DSCAML1: variants seen among roughly 807,000 people sequenced by gnomAD.
DSCAML1 encodes DS cell adhesion molecule like 1.
In DSCAML1, 38 loss-of-function variants were observed where a neutral mutation model predicts 200.5. The observed-to-expected ratio is 0.19, with a 90% CI of 0.15 to 0.25. The LOEUF (loss-of-function observed/expected upper bound fraction) is 0.25, where lower values mean the gene tolerates loss of function less well. DSCAML1 is among the 10% of genes least tolerant of loss of function. DSCAML1 has a pLI of 1.00. For missense variants in DSCAML1, 2,223 were observed against 2,858.8 expected (o/e 0.78, Z 5.07); for synonymous variants, 1,215 against 1,165.0 (o/e 1.04, Z -0.87).
At chr11:117,545,153 C>T (rs113295768) in intron 3 of DSCAML1, among the ~76,000 whole-genome samples, 1 of 151,954 alleles carries the variant, frequency 6.6e-6, no homozygotes, top group African/African-American at 2.4e-5. Context: ...TTGCTTGAAC[C>T]CAGGAGGTGG....
At chr11:117,439,581 G>C (rs1222704391) in intron 22 of DSCAML1, 152 bp from the exon 23 acceptor site, 2 of 1,116,802 alleles carry the variant, frequency 1.8e-6, no homozygotes, top group African/African-American at 1.6e-5. Context: ...ACTCCCTGGG[G>C]GTATGAGGTA....
At chr11:117,565,012 C>T (rs914162982) in intron 3 of DSCAML1, among the ~76,000 whole-genome samples, 8 of 152,082 alleles carry the variant, frequency 5.3e-5, no homozygotes, top group African/African-American at 1.9e-4. Flanking sequence ...GTGATCTGCC[C>T]ACCTCGGCCT....
chr11:117,591,707 A>G (rs2051262560), intron 3 of DSCAML1, among the ~76,000 whole-genome samples: 1 of 152,168 alleles, frequency 6.6e-6, no homozygotes, highest in Admixed American at 6.5e-5. Flanking sequence ...AGGTGCCAGC[A>G]TCTACGTCCC....
At chr11:117,557,065 G>A (rs2137405133) in intron 3 of DSCAML1, among the ~76,000 whole-genome samples, 1 of 152,316 alleles carries the variant, frequency 6.6e-6, no homozygotes, top group East Asian at 1.9e-4. Flanking sequence ...GATCTTGGGT[G>A]AGGGATCTTT....
chr11:117,478,310 C>A (rs1353206926), intron 14 of DSCAML1, among the ~76,000 whole-genome samples: 2 of 152,114 alleles, frequency 1.3e-5, no homozygotes, highest in Admixed American at 1.3e-4. Context: ...AGATGTGCGC[C>A]GGCAGGGAGG....
intron 3 of DSCAML1, among the ~76,000 whole-genome samples, chr11:117,751,163 G>A (rs190014410): frequency 2.3e-4 from 35 of 152,196 alleles, no homozygotes; most frequent in African/African-American, 7.9e-4. Flanking sequence ...ATCCGGGCCC[G>A]TAATGAGTCC....
At chr11:117,778,344 G>C (rs563790913) in intron 2 of DSCAML1, among the ~76,000 whole-genome samples, 2 of 152,340 alleles carry the variant, frequency 1.3e-5, no homozygotes, top group South Asian at 4.1e-4. Flanking sequence ...GGGAGGCAAG[G>C]TGGTGGAGTG....
At position 117,482,008 on chromosome 11, in the gene DSCAML1, G is replaced by A; in HGVS notation, c.2514C>T (p.Ala838=). The A allele has an allele frequency of 6.2e-7, 1 of 1,614,154 alleles. No individual in the cohort carries two copies. ...VIDPDRVMRY[A]IATKDNGDEV... ...CGTCGCCGTTGTCCTTGGTGGCGAT[G>A]GCATACCGCATGACGCGGTCAGGGT... Residue 838 remains alanine, a synonymous_variant, in exon 12 of 33, where the codon GCC becomes GCT. Transcript: ENST00000651296.
At chr11:117,689,756 C>T (rs999486261) in intron 3 of DSCAML1, among the ~76,000 whole-genome samples, 9 of 152,220 alleles carry the variant, frequency 5.9e-5, no homozygotes, top group Admixed American at 3.9e-4. Flanking sequence ...ATGCAGCTGC[C>T]TCTGTCGAGC....
chr11:117,788,207 C>G (rs1370086046), intron 1 of DSCAML1, among the ~76,000 whole-genome samples: 1 of 152,202 alleles, frequency 6.6e-6, no homozygotes, highest in African/African-American at 2.4e-5. Context: ...GTCCCATGCT[C>G]TCTGCCTGTG....
At chr11:117,462,858 G>A (rs1438203742) in intron 17 of DSCAML1, among the ~76,000 whole-genome samples, 1 of 152,208 alleles carries the variant, frequency 6.6e-6, no homozygotes, top group Non-Finnish European at 1.5e-5. Flanking sequence ...AAAAACTGCT[G>A]AGCAAATGCT....
rs1295109321 is a variant in DSCAML1 at position 117,718,667 on chromosome 11, A to ACCTC, written c.511+58123_511+58124insGAGG. Among the ~76,000 whole-genome samples, 2 of 22,272 alleles carry ACCTC rather than the reference A, an allele frequency of 9.0e-5. 1 individual carries two copies. The highest frequency in any genetic ancestry group is 1.9e-4 in the Non-Finnish European group (2 of 10,796). 14.6% of individuals were successfully genotyped at this position (22,272 alleles called of 152,430 possible). On this transcript the variant is annotated intron_variant, in intron 3 of 32. Transcript: ENST00000651296. ...ACACACACACAAGATGAATACTCAA[A>ACCTC]ACCCCCCCCCCCCCCCATCATATGA...
chr11:117,549,770 C>G (rs901313245), intron 3 of DSCAML1, among the ~76,000 whole-genome samples: 1 of 152,156 alleles, frequency 6.6e-6, no homozygotes, highest in Non-Finnish European at 1.5e-5. Context: ...GTTAAAAATC[C>G]TCTGCTGCTG....
intron 3 of DSCAML1, among the ~76,000 whole-genome samples, chr11:117,647,491 C>T (rs781724843): frequency 1.5e-4 from 23 of 152,174 alleles, no homozygotes; most frequent in Non-Finnish European, 3.1e-4. Flanking sequence ...AGCCAAGGCT[C>T]CAAGACCTAG....
chr11:117,614,115 T>C (rs2051759593), intron 3 of DSCAML1, among the ~76,000 whole-genome samples: 1 of 151,970 alleles, frequency 6.6e-6, no homozygotes, highest in Admixed American at 6.5e-5. Flanking sequence ...GAGATATATA[T>C]GCATCTCCCT....
At chr11:117,583,141 C>G (rs1304603695) in intron 3 of DSCAML1, among the ~76,000 whole-genome samples, 2 of 151,950 alleles carry the variant, frequency 1.3e-5, no homozygotes, top group Non-Finnish European at 2.9e-5. Context: ...GGCCTTTCCC[C>G]TCCGCATGCT....
intron 32 of DSCAML1, 135 bp downstream of exon 32, chr11:117,430,587 A>G: frequency 1.0e-6 from 1 of 1,001,754 alleles, no homozygotes; most frequent in Non-Finnish European, 1.4e-6. Context: ...TGCTGTTGGT[A>G]CCACCCTGCA....
intron 30 of DSCAML1, among the ~76,000 whole-genome samples, chr11:117,431,934 G>A (rs985128675): frequency 1.3e-5 from 2 of 152,180 alleles, no homozygotes; most frequent in African/African-American, 4.8e-5. Flanking sequence ...GGGGGCAGTG[G>A]AGGGCATTCT....
intron 3 of DSCAML1, among the ~76,000 whole-genome samples, chr11:117,647,131 C>A (rs2052536069): frequency 6.6e-6 from 1 of 152,226 alleles, no homozygotes; most frequent in Non-Finnish European, 1.5e-5. Flanking sequence ...TACTCCTGAG[C>A]CTGCTCACCA....
Sources: allele counts gnomAD v4.1 joint callset (sites outside exome capture counted in the v4.1 genomes callset), GRCh38; gene constraint gnomAD v4.1.1; transcripts MANE v1.5; gene names NCBI Gene and HGNC (gene_info 2026-07-23, HGNC 2026-07-21).